Variants in RBFOX1 observed in about 807,000 individuals in gnomAD.
RBFOX1 encodes the protein RNA binding fox-1 homolog 1.
RBFOX1 carries 8 observed loss-of-function variants against 57.7 expected under a neutral mutation model. The ratio of observed to expected loss-of-function variants is 0.14; its 90% confidence interval spans 0.08 to 0.25. RBFOX1 has a LOEUF of 0.25. Ranked by LOEUF, RBFOX1 falls within the 10% of genes least tolerant of loss-of-function variation. The pLI is 1.00. For synonymous variants in RBFOX1, 326 were observed against 222.4 expected, an observed-to-expected ratio of 1.47 and a Z score of -4.15; for missense variants, 611 against 548.5, an observed-to-expected ratio of 1.11 and a Z score of -1.14.
At chr16:5,377,139 G>A (rs1288621092) in intron 1 of RBFOX1, among the ~76,000 whole-genome samples, 2 of 151,630 alleles carry the variant, frequency 1.3e-5, no homozygotes, top group East Asian at 1.9e-4. Context: ...CACTGGTTGA[G>A]CACCTGCTGT....
At chr16:7,002,102 T>TC (rs2153635323) in intron 3 of RBFOX1, among the ~76,000 whole-genome samples, 1 of 151,782 alleles carries the variant, frequency 6.6e-6, no homozygotes, top group Admixed American at 6.6e-5. Context: ...ATGGAGAAAT[T>TC]TTTTTTTCTC....
intron 4 of RBFOX1, among the ~76,000 whole-genome samples, chr16:7,189,055 G>A (rs1016261011): frequency 4.6e-5 from 7 of 152,000 alleles, no homozygotes; most frequent in African/African-American, 9.7e-5. Flanking sequence ...GTGATTTCTC[G>A]AAAAGGAATT....
intron 4 of RBFOX1, among the ~76,000 whole-genome samples, chr16:7,285,075 CTTTTTTTTTT>C (rs58959488): frequency 9.4e-5 from 4 of 42,732 alleles, no homozygotes; most frequent in Non-Finnish European, 1.4e-4. Flanking sequence ...AGATTCCTTA[CTTTTTTTTTT>C]TTTTTTTTTT....
At chr16:6,992,166 A>ATTTTTTT (rs148693407) in intron 3 of RBFOX1, among the ~76,000 whole-genome samples, 1 of 148,360 alleles carries the variant, frequency 6.7e-6, no homozygotes. Context: ...TAGAGAAGCA[A>ATTTTTTT]TTTTTTGTTT....
At chr16:6,157,568 A>G (rs969347026) in intron 1 of RBFOX1, among the ~76,000 whole-genome samples, 5 of 152,122 alleles carry the variant, frequency 3.3e-5, no homozygotes, top group Non-Finnish European at 1.5e-5. Context: ...TTGGACTCTT[A>G]TTTGAAAATA....
In RBFOX1 at chr16:6,968,980, G is replaced by C. The variant is rs78042151; in HGVS notation, c.-15-83077G>C. Among the ~76,000 whole-genome samples, 5 of 151,914 alleles carry C rather than the reference G, an allele frequency of 3.3e-5. No individual in the cohort carries two copies. The East Asian group carries it at 9.7e-4, about 29-fold the overall frequency. On this transcript the variant is annotated intron_variant, in intron 3 of 15. Transcript: ENST00000550418. ...GGGTGCTCAGGATGTGTACTTTGAG[G>C]GAAGGAAGATATCTGAGCAAAGTCA... is the stretch of plus-strand genomic sequence containing the variant.
intron 2 of RBFOX1, among the ~76,000 whole-genome samples, chr16:5,526,418 A>G (rs963967455): frequency 6.6e-6 from 1 of 152,166 alleles, no homozygotes; most frequent in Non-Finnish European, 1.5e-5. Context: ...CCTCCCAAGT[A>G]GCTGGGATTA....
At chr16:7,182,867 C>G (rs1171382781) in intron 4 of RBFOX1, among the ~76,000 whole-genome samples, 5 of 152,186 alleles carry the variant, frequency 3.3e-5, no homozygotes, top group South Asian at 2.1e-4. Context: ...AGCTCAACTT[C>G]TATGTCTTCC....
chr16:6,421,105 A>G (rs1299674360), intron 2 of RBFOX1, among the ~76,000 whole-genome samples: 1 of 152,218 alleles, frequency 6.6e-6, no homozygotes, highest in Non-Finnish European at 1.5e-5. Context: ...GCTGGATGTG[A>G]GCAAGCTTGG....
At chr16:7,464,432 T>G (rs1248238069) in intron 4 of RBFOX1, among the ~76,000 whole-genome samples, 1 of 151,874 alleles carries the variant, frequency 6.6e-6, no homozygotes. Flanking sequence ...AGGATGGTGG[T>G]CACTTCTGCA....
chr16:5,875,275 G>T (rs769508842), intron 4 of RBFOX1, among the ~76,000 whole-genome samples: 4 of 152,116 alleles, frequency 2.6e-5, no homozygotes, highest in Non-Finnish European at 4.4e-5. Flanking sequence ...AGTGGTGTAG[G>T]TTGGCCAAAC....
chr16:7,453,729 T>C (rs1045373556), intron 4 of RBFOX1, among the ~76,000 whole-genome samples: 7 of 152,136 alleles, frequency 4.6e-5, no homozygotes, highest in Non-Finnish European at 1.0e-4. Flanking sequence ...CTCTGAGCAA[T>C]GCACAGACTA....
intron 5 of RBFOX1, among the ~76,000 whole-genome samples, chr16:7,571,081 G>A (rs2092723845): frequency 6.6e-6 from 1 of 152,152 alleles, no homozygotes; most frequent in Non-Finnish European, 1.5e-5. Flanking sequence ...GGGGGAAGGG[G>A]CGAAGGGAGA....
chr16:6,444,733 G>T (rs562791642), intron 2 of RBFOX1, among the ~76,000 whole-genome samples: 1 of 152,186 alleles, frequency 6.6e-6, no homozygotes, highest in Non-Finnish European at 1.5e-5. Context: ...CCAAAATGCA[G>T]AGTCTGTGTG....
At chr16:6,902,092 C>G (rs1312688847) in intron 3 of RBFOX1, among the ~76,000 whole-genome samples, 7 of 152,126 alleles carry the variant, frequency 4.6e-5, no homozygotes, top group Non-Finnish European at 7.3e-5. Context: ...ATATATTTGT[C>G]TACATAAAAT....
At chr16:5,953,727 A>ATAT (rs369925781) in intron 4 of RBFOX1, among the ~76,000 whole-genome samples, 18,209 of 108,432 alleles carry the variant, frequency 0.17, 1,344 homozygotes, top group Middle Eastern at 0.28. Context: ...TATATATATA[A>ATAT]AAAACACATT....
At chr16:6,368,337 G>A (rs1232906484) in intron 2 of RBFOX1, among the ~76,000 whole-genome samples, 1 of 152,158 alleles carries the variant, frequency 6.6e-6, no homozygotes, top group African/African-American at 2.4e-5. Context: ...AGTCTGCAAG[G>A]GCAGAACCAG....
At chr16:7,414,330 T>C (rs942126290) in intron 4 of RBFOX1, among the ~76,000 whole-genome samples, 13 of 152,074 alleles carry the variant, frequency 8.5e-5, no homozygotes, top group African/African-American at 2.7e-4. Flanking sequence ...TGGTACAAAG[T>C]TGGAGTAAAA....
At chr16:6,400,199 T>C (rs1029503994) in intron 2 of RBFOX1, among the ~76,000 whole-genome samples, 1 of 152,194 alleles carries the variant, frequency 6.6e-6, no homozygotes, top group Non-Finnish European at 1.5e-5. Flanking sequence ...GTAGACTACA[T>C]GTTGGGTATG....
Sources: allele counts gnomAD v4.1 joint callset (sites outside exome capture counted in the v4.1 genomes callset), GRCh38; gene constraint gnomAD v4.1.1; transcripts MANE v1.5; gene names NCBI Gene and HGNC (gene_info 2026-07-23, HGNC 2026-07-21).